FGFR1: variants seen among roughly 807,000 people sequenced by gnomAD.
The protein encoded by FGFR1 is fibroblast growth factor receptor 1.
In FGFR1, 18 loss-of-function variants were observed where a neutral mutation model predicts 93.7. That is an observed-to-expected ratio of 0.19 (90% CI 0.13 to 0.28). The LOEUF (loss-of-function observed/expected upper bound fraction) is 0.28. FGFR1 is among the 10% of genes least tolerant of loss of function. FGFR1 has a pLI of 1.00. For synonymous variants in FGFR1, 448 were observed against 429.3 expected, an observed-to-expected ratio of 1.04 and a Z score of -0.54; for missense variants, 731 against 1,080.4, an observed-to-expected ratio of 0.68 and a Z score of 4.53.
intron 2 of FGFR1, among the ~76,000 whole-genome samples, chr8:38,449,240 TTG>T (rs1443025810): frequency 3.9e-5 from 6 of 152,034 alleles, no homozygotes; most frequent in Non-Finnish European, 7.4e-5. Context: ...AAACTAAGAT[TTG>T]AGCAGGAATT....
intron 8 of FGFR1, chr8:38,421,510 C>T (rs762248794): frequency 5.9e-5 from 29 of 493,528 alleles, no homozygotes; most frequent in Non-Finnish European, 9.7e-5. Context: ...CTGGAGGAGT[C>T]GGGCTGCAGG....
At chr8:38,416,107 G>C (rs1194094788) in intron 12 of FGFR1, 47 bp from the exon 13 acceptor site, 1 of 1,555,056 alleles carries the variant, frequency 6.4e-7, no homozygotes, top group Admixed American at 1.8e-5. Flanking sequence ...CAGGTGAGCA[G>C]GTTTGGCTTC....
chr8:38,437,254 AAGG>A (rs778653327), intron 2 of FGFR1, among the ~76,000 whole-genome samples: 24 of 152,192 alleles, frequency 1.6e-4, no homozygotes, highest in African/African-American at 2.4e-4. Context: ...TCAAAAATCC[AAGG>A]AGGAGTCAGG....
At chr8:38,416,533 G>A (rs1453999329) in intron 12 of FGFR1, among the ~76,000 whole-genome samples, 21 of 128,298 alleles carry the variant, frequency 1.6e-4, no homozygotes, top group Admixed American at 1.5e-3. Flanking sequence ...TCGGCTAACC[G>A]CAACCTCCGC....
At chr8:38,438,955 T>C (rs186024120) in intron 2 of FGFR1, among the ~76,000 whole-genome samples, 1 of 152,242 alleles carries the variant, frequency 6.6e-6, no homozygotes, top group Non-Finnish European at 1.5e-5. Context: ...TAAAATGCAC[T>C]CTCCTGCCCC....
intron 2 of FGFR1, among the ~76,000 whole-genome samples, chr8:38,431,807 C>T (rs750594215): frequency 7.9e-5 from 12 of 152,190 alleles, no homozygotes; most frequent in Non-Finnish European, 1.5e-4. Flanking sequence ...GGGAACACCA[C>T]AAAGGTGAGT....
intron 2 of FGFR1, among the ~76,000 whole-genome samples, chr8:38,446,561 C>T (rs1295843658): frequency 6.6e-6 from 1 of 151,972 alleles, no homozygotes; most frequent in Non-Finnish European, 1.5e-5. Context: ...TACAGGCGCC[C>T]ACCACCACGC....
In FGFR1 at chr8:38,412,138, C is replaced by T. The variant is rs368120271; in HGVS notation, c.*1490G>A. On this transcript the variant is annotated 3_prime_UTR_variant, in exon 18 of 18. Coordinates refer to ENST00000447712, the MANE Select transcript of FGFR1 (RefSeq NM_023110.3). Reference sequence around the variant, plus strand: ...CGCAATCTCGGCTCACTGCAACCTCCGCCTCCCAGCTTCAAGGGATTCTGC... The same window carrying T: ...CGCAATCTCGGCTCACTGCAACCTCTGCCTCCCAGCTTCAAGGGATTCTGC... 7 of 206,364 alleles carry T rather than the reference C, an allele frequency of 3.4e-5. No individual in the cohort carries two copies. Among genetic ancestry groups the T allele is most frequent in the East Asian group, 1.5e-4 (2 of 13,516 alleles). 12.8% of individuals were successfully genotyped at this position (206,364 alleles called of 1,614,324 possible).
At chr8:38,416,158 ACCTCCCATCTCCTGCCT>A in intron 12 of FGFR1, 98 bp from the exon 13 acceptor site, 1 of 1,019,084 alleles carries the variant, frequency 9.8e-7, no homozygotes, top group Non-Finnish European at 1.5e-6. Flanking sequence ...ACCCCGGCCA[ACCTCCCATCTCCTGCCT>A]CCTCTTAGGG....
rs2150955837 is a variant in FGFR1, at chr8:38,429,709, T to C, written c.331A>G (p.Thr111Ala). ...CVTSSPSGSD[T>A]TYFSVNVSDA... The stretch of plus-strand genomic sequence containing the variant: ...GAAACATTGACGGAGAAGTAGGTGG[T>C]GTCACTGCCCGAGGGGCTGCTGGTT... Residue 111 changes from threonine (T) to alanine (A), a missense_variant, in exon 3 of 18, where the codon ACC becomes GCC. This residue lies in a region of FGFR1 where 212 missense variants were observed against 205.8 expected (regional missense o/e 1.03). Coordinates refer to ENST00000447712, the MANE Select transcript of FGFR1 (RefSeq NM_023110.3). The surrounding 1 kb of genome is among the most constrained non-coding windows in gnomAD (Gnocchi z 4.4). 1 of 1,572,538 alleles carries C rather than the reference T, an allele frequency of 6.4e-7. No homozygotes were observed. The highest frequency in any genetic ancestry group is 8.6e-7 in the Non-Finnish European group (1 of 1,158,562).
chr8:38,440,772 T>A (rs1245305275), intron 2 of FGFR1, among the ~76,000 whole-genome samples: 1 of 152,036 alleles, frequency 6.6e-6, no homozygotes, highest in East Asian at 1.9e-4. Flanking sequence ...AATGGCAGAC[T>A]GAATGGCCTC....
chr8:38,466,876 G>GA (rs1189762860), intron 1 of FGFR1, among the ~76,000 whole-genome samples: 1 of 112,808 alleles, frequency 8.9e-6, no homozygotes, highest in East Asian at 2.5e-4. Context: ...CTCAGAACAA[G>GA]AAACAGGCTT....
intron 2 of FGFR1, 139 bp downstream of exon 2, chr8:38,457,216 CT>C: frequency 1.1e-6 from 1 of 921,554 alleles, no homozygotes; most frequent in Middle Eastern, 3.3e-4. Context: ...AGAGTTTCTC[CT>C]ACAGGAAGGG....
rs1480071689 is a variant in FGFR1, at chr8:38,424,151, A to G, written c.936+358T>C. ...CGTACGTAACTCAGGACACAGGGCT[A>G]AGACTGGGAAACGCTTGGTGGAAAG... is the stretch of plus-strand genomic sequence containing the variant. On this transcript the variant is annotated intron_variant, in intron 7 of 17. Coordinates refer to ENST00000447712, the MANE Select transcript of FGFR1 (RefSeq NM_023110.3). The surrounding 1 kb of genome is among the most constrained non-coding windows in gnomAD (Gnocchi z 4.3). The G allele has an allele frequency of 2.4e-6, 1 of 425,098 alleles. No individual in the cohort carries two copies. Among genetic ancestry groups the G allele is most frequent in the East Asian group, 5.2e-5 (1 of 19,262 alleles). 26.3% of individuals were successfully genotyped at this position (425,098 alleles called of 1,614,324 possible).
rs56234888 is a variant in FGFR1 at position 38,413,783 on chromosome 8, G to A, written c.2314C>T (p.Pro772Ser). 3,617 of 1,614,080 alleles carry A rather than the reference G, an allele frequency of 2.2e-3. 83 individuals are homozygous for A. In the African/African-American group the frequency reaches 0.043, roughly 19 times the overall value. The change falls in exon 18 of 18, where the codon CCC (proline) becomes TCC (serine). Residue 772 changes from proline (P) to serine (S), a missense_variant. Pro to Ser is a moderately conservative substitution (Grantham distance 74). Around this residue, in one of 10 missense-constraint regions of FGFR1, gnomAD observed 79 missense variants for 97.2 expected, o/e 0.81. Transcript: ENST00000447712. The surrounding 1 kb of genome is among the most constrained non-coding windows in gnomAD (Gnocchi z 4.2). ...SNQEYLDLSM[P>S]LDQYSPSFPD... ...AAGCTGGGGGAGTACTGGTCCAGGG[G>A]CATGGACAGGTCCAGGTACTCCTGT...
chr8:38,460,231 G>C (rs1834058037), intron 1 of FGFR1, among the ~76,000 whole-genome samples: 2 of 152,114 alleles, frequency 1.3e-5, no homozygotes. Context: ...CCACAGATGG[G>C]CCATCTAGGA....
At chr8:38,414,382 G>T in intron 15 of FGFR1, 93 bp from the exon 16 acceptor site, 1 of 1,592,280 alleles carries the variant, frequency 6.3e-7, no homozygotes, top group Non-Finnish European at 8.6e-7. Context: ...CCAGGAGACA[G>T]CATGGAGAAC....
intron 2 of FGFR1, among the ~76,000 whole-genome samples, chr8:38,439,225 C>T: frequency 6.6e-6 from 1 of 152,166 alleles, no homozygotes; most frequent in East Asian, 1.9e-4. Flanking sequence ...TCCACTGTGT[C>T]CAGGTACTCT....
At chr8:38,441,444 T>C (rs1827429294) in intron 2 of FGFR1, among the ~76,000 whole-genome samples, 3 of 152,092 alleles carry the variant, frequency 2.0e-5, no homozygotes, top group Non-Finnish European at 4.4e-5. Context: ...TGAAAAGAAA[T>C]TTCCCTCCTT....
Sources: allele counts gnomAD v4.1 joint callset (sites outside exome capture counted in the v4.1 genomes callset), GRCh38; gene constraint gnomAD v4.1.1; regional missense constraint gnomAD v4.1.1; non-coding constraint Gnocchi (gnomAD v3.1); transcripts MANE v1.5; gene names NCBI Gene and HGNC (gene_info 2026-07-23, HGNC 2026-07-21).